Variants in ACSL3 observed in about 807,000 individuals in gnomAD.
ACSL3 encodes the protein fatty acid CoA ligase Acsl3.
In ACSL3, 34 loss-of-function variants were observed where a neutral mutation model predicts 84.7. The ratio of observed to expected loss-of-function variants is 0.40; its 90% confidence interval spans 0.31 to 0.53. The LOEUF (loss-of-function observed/expected upper bound fraction) is 0.53. ACSL3 is among the 20% of genes least tolerant of loss of function. ACSL3 has a pLI of 0.48. For synonymous variants in ACSL3, 315 were observed against 299.4 expected (o/e 1.05, Z -0.54); for missense variants, 680 against 873.1 (o/e 0.78, Z 2.79).
intron 2 of ACSL3, among the ~76,000 whole-genome samples, chr2:222,892,581 C>CT (rs1157470775): frequency 6.6e-6 from 1 of 152,110 alleles, no homozygotes; most frequent in South Asian, 2.1e-4. Flanking sequence ...ATCTGGGACT[C>CT]TTAAGTCTCT....
intron 1 of ACSL3, among the ~76,000 whole-genome samples, chr2:222,874,612 G>T (rs1695398429): frequency 6.6e-6 from 1 of 151,792 alleles, no homozygotes; most frequent in Non-Finnish European, 1.5e-5. Context: ...GTTCAAGGCT[G>T]CAGTGAAAAC....
intron 1 of ACSL3, among the ~76,000 whole-genome samples, chr2:222,873,756 T>G (rs1049578808): frequency 6.6e-6 from 1 of 152,232 alleles, no homozygotes; most frequent in Non-Finnish European, 1.5e-5. Context: ...CTACTATATG[T>G]ACATAATGTA....
At chr2:222,915,533 C>T (rs1043740442) in intron 4 of ACSL3, among the ~76,000 whole-genome samples, 3 of 151,916 alleles carry the variant, frequency 2.0e-5, no homozygotes, top group African/African-American at 4.8e-5. Context: ...TTATACAGTC[C>T]GTATGTAATT....
intron 1 of ACSL3, among the ~76,000 whole-genome samples, chr2:222,870,112 T>G (rs1695259643): frequency 6.6e-6 from 1 of 151,884 alleles, no homozygotes; most frequent in Non-Finnish European, 1.5e-5. Flanking sequence ...GGTTTTTTTT[T>G]TTTTTTGGTC....
At chr2:222,888,515 G>A (rs1695773422) in intron 2 of ACSL3, among the ~76,000 whole-genome samples, 1 of 152,154 alleles carries the variant, frequency 6.6e-6, no homozygotes, top group African/African-American at 2.4e-5. Flanking sequence ...AAGGCAGTAA[G>A]CATTTTATCC....
At chr2:222,900,002 C>T (rs1437798858) in intron 2 of ACSL3, among the ~76,000 whole-genome samples, 1 of 152,138 alleles carries the variant, frequency 6.6e-6, no homozygotes, top group African/African-American at 2.4e-5. Flanking sequence ...CTAGCCCTCA[C>T]CAAAGACGGA....
Position 222,930,541 on chromosome 2 carries a change from T to C in ACSL3, c.1541-80T>C, listed in dbSNP as rs569709857. On this transcript the variant is annotated intron_variant, in intron 13 of 16. Transcript: ENST00000357430. ...AAGTTCTAATTGGATTAAAATAAGA[T>C]GACTGTTTAGAAACTAGTAGTTTCA... The C allele has an allele frequency of 6.8e-6, 8 of 1,177,252 alleles. No homozygotes were observed. In the African/African-American group the frequency reaches 1.2e-4, roughly 18 times the overall value. The allele number at this position is 1,177,252 out of a possible 1,614,324, so 72.9% of individuals were successfully genotyped here.
chr2:222,918,678 T>G (rs1158537138), intron 6 of ACSL3, among the ~76,000 whole-genome samples: 2 of 148,312 alleles, frequency 1.3e-5, no homozygotes, highest in Non-Finnish European at 3.0e-5. Context: ...AAAAGAAAAT[T>G]TTGAACAAGT....
intron 1 of ACSL3, among the ~76,000 whole-genome samples, chr2:222,869,144 T>G (rs1214470473): frequency 6.6e-6 from 1 of 152,222 alleles, no homozygotes; most frequent in Non-Finnish European, 1.5e-5. Context: ...ATGGTGTTTC[T>G]AAGTATATTA....
At chr2:222,924,718 A>G (rs1008216085) in intron 11 of ACSL3, 123 bp downstream of exon 11, 17 of 1,165,584 alleles carry the variant, frequency 1.5e-5, no homozygotes. Flanking sequence ...AGTCAAGAGA[A>G]CTCTTTAAAA....
chr2:222,936,608 T>TCCCCCCCCCC (rs55915039), intron 16 of ACSL3, among the ~76,000 whole-genome samples: 17 of 131,184 alleles, frequency 1.3e-4, no homozygotes, highest in Admixed American at 1.7e-4. Context: ...TTCTGCACCC[T>TCCCCCCCCCC]CCCCCCCCAC....
In ACSL3 at chr2:222,942,203, C is replaced by T. The variant is rs1697329690; in HGVS notation, c.*549C>T. ...ATGCATTTGAGAGAAATAAATATAC[C>T]CATACTTATGTTTTAAGAAGTTGAG... On this transcript the variant is annotated 3_prime_UTR_variant, in exon 17 of 17. Transcript: ENST00000357430. The T allele has an allele frequency of 5.2e-6, 1 of 191,874 alleles. No individual in the cohort carries two copies. The highest frequency in any genetic ancestry group is 6.2e-5 in the Admixed American group (1 of 16,260). The allele number at this position is 191,874 out of a possible 1,614,324, so 11.9% of individuals were successfully genotyped here.
At chr2:222,861,610 T>A (rs915287016) in intron 1 of ACSL3, 23 of 152,132 alleles carry the variant, frequency 1.5e-4, no homozygotes, top group African/African-American at 5.3e-4. Context: ...GGCCACCCCC[T>A]TGAATTAAGA....
intron 4 of ACSL3, among the ~76,000 whole-genome samples, chr2:222,912,945 A>C (rs538924180): frequency 2.6e-5 from 4 of 152,244 alleles, no homozygotes; most frequent in Admixed American, 2.6e-4. Context: ...CAGTAAATGC[A>C]TTGCACTAAC....
intron 5 of ACSL3, 53 bp from the exon 6 acceptor site, chr2:222,917,993 A>G: frequency 7.7e-7 from 1 of 1,303,582 alleles, no homozygotes; most frequent in Non-Finnish European, 1.1e-6. Context: ...CAGAGACTTT[A>G]CATTTGTAGT....
intron 14 of ACSL3, 77 bp downstream of exon 14, chr2:222,930,889 G>C: frequency 7.9e-7 from 1 of 1,268,254 alleles, no homozygotes; most frequent in African/African-American, 1.5e-5. Context: ...ATTTAGAGGA[G>C]GCGCTGAATA....
chr2:222,878,886 T>A (rs1167177299), intron 1 of ACSL3, among the ~76,000 whole-genome samples: 1 of 152,238 alleles, frequency 6.6e-6, no homozygotes, highest in Non-Finnish European at 1.5e-5. Flanking sequence ...CCTGTACAGT[T>A]GGTCCTGTTT....
intron 7 of ACSL3, 144 bp from the exon 8 acceptor site, chr2:222,921,136 G>C: frequency 1.1e-6 from 1 of 882,052 alleles, no homozygotes; most frequent in South Asian, 1.5e-5. Context: ...CTGTTTTGTT[G>C]ATCTCAGTAT....
At chr2:222,883,713 TTCTGGA>T (rs1695650978) in intron 1 of ACSL3, among the ~76,000 whole-genome samples, 1 of 152,188 alleles carries the variant, frequency 6.6e-6, no homozygotes, top group African/African-American at 2.4e-5. Flanking sequence ...TTTTTTCTAT[TTCTGGA>T]ACTCCTTGTA....
Sources: allele counts gnomAD v4.1 joint callset (sites outside exome capture counted in the v4.1 genomes callset), GRCh38; gene constraint gnomAD v4.1.1; transcripts MANE v1.5; gene names NCBI Gene and HGNC (gene_info 2026-07-23, HGNC 2026-07-21).